ME1: variants seen among roughly 807,000 people sequenced by gnomAD.
ME1 encodes NADP-dependent malic enzyme.
Under a neutral mutation model 66.4 loss-of-function variants are expected in ME1, and 74 were observed. The observed-to-expected ratio is 1.11, with a 90% confidence interval of 0.92 to 1.35. The LOEUF is 1.35. Ranked by LOEUF, ME1 falls within the 40% of genes most tolerant of loss-of-function variation. The probability of loss-of-function intolerance (pLI) is 0.00; values close to 1 mark genes in which losing one functional copy is unlikely to be tolerated. For missense variants in ME1, 750 were observed against 694.1 expected (o/e 1.08, Z -0.90); for synonymous variants, 251 against 235.6 (o/e 1.07, Z -0.60).
intron 9 of ME1, among the ~76,000 whole-genome samples, chr6:83,232,915 TAAAAC>T: frequency 6.6e-6 from 1 of 152,214 alleles, no homozygotes. Flanking sequence ...CAAAATTATT[TAAAAC>T]AAAACAAAAT....
At chr6:83,290,340 T>C (rs545436337) in intron 6 of ME1, among the ~76,000 whole-genome samples, 1 of 152,292 alleles carries the variant, frequency 6.6e-6, no homozygotes, top group South Asian at 2.1e-4. Context: ...TTTGTTCTAG[T>C]TGGTTTCAAA....
At chr6:83,393,966 G>A (rs914972289) in intron 3 of ME1, among the ~76,000 whole-genome samples, 1 of 151,902 alleles carries the variant, frequency 6.6e-6, no homozygotes, top group Non-Finnish European at 1.5e-5. Context: ...CATCTACAAG[G>A]AAAATAGTAT....
intron 6 of ME1, among the ~76,000 whole-genome samples, chr6:83,298,608 G>T (rs1767648369): frequency 6.6e-6 from 1 of 151,940 alleles, no homozygotes; most frequent in African/African-American, 2.4e-5. Context: ...TGTTGCAATT[G>T]CTTTTCATGT....
intron 6 of ME1, among the ~76,000 whole-genome samples, chr6:83,302,892 T>C (rs1767753675): frequency 6.6e-6 from 1 of 152,060 alleles, no homozygotes; most frequent in African/African-American, 2.4e-5. Context: ...GTGAAAACAG[T>C]CAATAGCAGG....
At chr6:83,388,644 AT>A (rs2128549479) in intron 3 of ME1, among the ~76,000 whole-genome samples, 1 of 152,290 alleles carries the variant, frequency 6.6e-6, no homozygotes, top group South Asian at 2.1e-4. Flanking sequence ...TTTTGATTTC[AT>A]TTAATTCTGT....
At chr6:83,340,155 C>A (rs1451879351) in intron 5 of ME1, among the ~76,000 whole-genome samples, 3 of 152,024 alleles carry the variant, frequency 2.0e-5, no homozygotes, top group African/African-American at 7.2e-5. Flanking sequence ...TATAATTTGA[C>A]CACAGTATTT....
chr6:83,324,510 C>T (rs1244021917), intron 5 of ME1, among the ~76,000 whole-genome samples: 2 of 151,850 alleles, frequency 1.3e-5, no homozygotes, highest in East Asian at 1.9e-4. Context: ...GAGATCACCA[C>T]TGATCCCACA....
At chr6:83,406,830 G>A (rs1318418359) in intron 2 of ME1, among the ~76,000 whole-genome samples, 1 of 152,028 alleles carries the variant, frequency 6.6e-6, no homozygotes, top group African/African-American at 2.4e-5. Flanking sequence ...AATAAATTTT[G>A]CCAGCACACT....
At position 83,343,114 on chromosome 6, in the gene ME1, C is replaced by T. The variant is rs181081126; in HGVS notation, c.600+3059G>A. Among the ~76,000 whole-genome samples the T allele has an allele frequency of 2.0e-4, 30 of 152,272 alleles. No individual in the cohort carries two copies. In the East Asian group the frequency reaches 5.8e-3, roughly 29 times the overall value. On this transcript the variant is annotated intron_variant, in intron 5 of 13. Transcript: ENST00000369705. ...TATCAAACATTAGAACTTATTCCTT[C>T]AATTGACATATTTGTACCCCTTAAC... is the stretch of plus-strand genomic sequence containing the variant.
chr6:83,301,086 A>G (rs550204316), intron 6 of ME1, among the ~76,000 whole-genome samples: 19 of 152,192 alleles, frequency 1.2e-4, no homozygotes, highest in Admixed American at 9.8e-4. Context: ...TAGGAGATAT[A>G]CCTAATGTAA....
intron 6 of ME1, among the ~76,000 whole-genome samples, chr6:83,298,743 T>C (rs1767650468): frequency 6.6e-6 from 1 of 151,978 alleles, no homozygotes; most frequent in South Asian, 2.1e-4. Flanking sequence ...AATTTTTGTA[T>C]AATGTGTAAG....
intron 6 of ME1, among the ~76,000 whole-genome samples, chr6:83,292,190 G>A (rs868480056): frequency 1.1e-4 from 16 of 152,180 alleles, no homozygotes; most frequent in Admixed American, 8.5e-4. Flanking sequence ...TTCCTTTGGA[G>A]AAGAGGTGTT....
chr6:83,274,881 A>G (rs902991883), intron 6 of ME1, among the ~76,000 whole-genome samples: 5 of 152,226 alleles, frequency 3.3e-5, no homozygotes, highest in Non-Finnish European at 5.9e-5. Flanking sequence ...TGTTTCTCCA[A>G]GTAATAAACT....
Position 83,358,412 on chromosome 6 carries a change from T to C in ME1, c.363-6273A>G, listed in dbSNP as rs574231387. On this transcript the variant is annotated intron_variant, in intron 3 of 13. Transcript: ENST00000369705. ...AAGAAAATGATGAACTCAGAGATTGTATCTCCTGGCTTCAGAAGCATATAC... is the reference window on the plus strand; with the variant it reads ...AAGAAAATGATGAACTCAGAGATTGCATCTCCTGGCTTCAGAAGCATATAC... 3.3e-5 allele frequency among the ~76,000 whole-genome samples: 5 copies of C among 152,262 alleles called. No individual in the cohort carries two copies. The South Asian group carries it at 1.0e-3, about 32-fold the overall frequency.
intron 2 of ME1, 70 bp downstream of exon 2, chr6:83,407,698 T>C: frequency 7.3e-7 from 1 of 1,370,318 alleles, no homozygotes; most frequent in South Asian, 1.8e-5. Flanking sequence ...TTTCATTTTC[T>C]CACCCAATAA....
intron 6 of ME1, among the ~76,000 whole-genome samples, chr6:83,288,172 G>A (rs1216275321): frequency 6.6e-6 from 1 of 151,992 alleles, no homozygotes; most frequent in Non-Finnish European, 1.5e-5. Context: ...GATCCAATTT[G>A]TCAATTTTGG....
chr6:83,380,141 G>GA (rs944393087), intron 3 of ME1, among the ~76,000 whole-genome samples: 1 of 151,850 alleles, frequency 6.6e-6, no homozygotes, highest in African/African-American at 2.4e-5. Context: ...CTACCCTCAA[G>GA]AAAAAAATCA....
chr6:83,321,958 A>G (rs772587096), intron 5 of ME1, among the ~76,000 whole-genome samples: 5 of 152,212 alleles, frequency 3.3e-5, no homozygotes, highest in Non-Finnish European at 5.9e-5. Flanking sequence ...AGGAAGGAAC[A>G]GGCAGCAATC....
intron 11 of ME1, 22 bp downstream of exon 11, chr6:83,227,313 A>G (rs1455532640): frequency 6.9e-7 from 1 of 1,451,074 alleles, no homozygotes; most frequent in Admixed American, 2.2e-5. Context: ...TTATTAAAAT[A>G]TCTGTTATAG....
Sources: allele counts gnomAD v4.1 joint callset (sites outside exome capture counted in the v4.1 genomes callset), GRCh38; gene constraint gnomAD v4.1.1; transcripts MANE v1.5; gene names NCBI Gene and HGNC (gene_info 2026-07-23, HGNC 2026-07-21).